Variants in FER1L5 observed in about 807,000 individuals in gnomAD.
FER1L5 encodes the protein fer-1-like protein 5.
In FER1L5, 187 loss-of-function variants were observed where a neutral mutation model predicts 279.9. The ratio of observed to expected loss-of-function variants is 0.67; its 90% CI spans 0.59 to 0.75. The LOEUF is 0.75. Among genes scored for constraint, FER1L5 ranks in the 30% least tolerant of loss-of-function variants. FER1L5 has a pLI of 0.00. For missense variants in FER1L5, 2,091 were observed against 2,594.4 expected, an observed-to-expected ratio of 0.81 and a Z score of 4.21; for synonymous variants, 921 against 989.7, an observed-to-expected ratio of 0.93 and a Z score of 1.30.
intron 6 of FER1L5, among the ~76,000 whole-genome samples, chr2:96,650,721 T>C (rs2075323965): frequency 6.6e-6 from 1 of 152,188 alleles, no homozygotes; most frequent in African/African-American, 2.4e-5. Context: ...GGAACCCTCA[T>C]CCCATGGCTT....
intron 9 of FER1L5, among the ~76,000 whole-genome samples, chr2:96,657,447 A>G (rs897172068): frequency 1.4e-4 from 21 of 152,260 alleles, no homozygotes; most frequent in Non-Finnish European, 2.8e-4. Flanking sequence ...TAAAATGTAC[A>G]ATTTGATATA....
chr2:96,699,472 G>A, intron 42 of FER1L5, 78 bp from the exon 43 acceptor site: 1 of 1,492,172 alleles, frequency 6.7e-7, no homozygotes, highest in Non-Finnish European at 9.1e-7. Context: ...GGGGCCTACG[G>A]GGCCGAGACA....
intron 19 of FER1L5, among the ~76,000 whole-genome samples, chr2:96,674,646 AT>A (rs1189649552): frequency 5.3e-5 from 8 of 152,268 alleles, no homozygotes; most frequent in African/African-American, 1.9e-4. Flanking sequence ...ATTATGAAAT[AT>A]TTAAAAAAAA....
intron 9 of FER1L5, among the ~76,000 whole-genome samples, chr2:96,655,581 T>C (rs2075565474): frequency 6.6e-6 from 1 of 152,176 alleles, no homozygotes; most frequent in Admixed American, 6.5e-5. Context: ...GAGACAGAGA[T>C]TCTAGAAATG....
rs760894128 is a variant in FER1L5, at chr2:96,650,204, C to G, written c.419C>G (p.Thr140Arg). ...GGAGCTGAAGACCACCTGGGCATAA[C>G]GGCAAGAGAGGCAGCCAGTCAGAAA... ...KTGAEDHLGI[T>R]AREAASQKLM... Residue 140 changes from threonine to arginine, a missense_variant, in exon 6 of 53, where the codon ACG becomes AGG. Coordinates refer to ENST00000624922, the MANE Select transcript of FER1L5 (RefSeq NM_001293083.2). 1 of 1,551,726 alleles carries G rather than the reference C, an allele frequency of 6.4e-7. No individual in the cohort carries two copies. The highest frequency in any genetic ancestry group is 8.7e-7 in the Non-Finnish European group (1 of 1,146,994).
At chr2:96,675,437 A>T (rs939941423) in intron 19 of FER1L5, among the ~76,000 whole-genome samples, 10 of 152,022 alleles carry the variant, frequency 6.6e-5, no homozygotes, top group African/African-American at 2.4e-4. Context: ...TAATTAATTA[A>T]TTTTTTTGAA....
intron 4 of FER1L5, 43 bp from the exon 5 acceptor site, chr2:96,649,580 A>T: frequency 6.5e-7 from 1 of 1,547,132 alleles, no homozygotes; most frequent in South Asian, 1.2e-5. Context: ...GTGTCCAAGG[A>T]TGGCAGGGTC....
chr2:96,660,896 G>A (rs889058252), intron 10 of FER1L5, among the ~76,000 whole-genome samples: 1 of 152,198 alleles, frequency 6.6e-6, no homozygotes, highest in African/African-American at 2.4e-5. Context: ...GAAAAACTCA[G>A]GGCATCCCTT....
chr2:96,659,959 C>T (rs781488638), intron 9 of FER1L5, among the ~76,000 whole-genome samples: 1 of 152,094 alleles, frequency 6.6e-6, no homozygotes, highest in African/African-American at 2.4e-5. Context: ...AGAGAAAACC[C>T]GTAGTTTCTT....
At chr2:96,685,611 C>T (rs953286302) in intron 21 of FER1L5, among the ~76,000 whole-genome samples, 182 bp downstream of exon 21, 14 of 152,178 alleles carry the variant, frequency 9.2e-5, no homozygotes, top group South Asian at 2.1e-4. Context: ...GCCCCCTGAC[C>T]GCCCCATCAG....
Position 96,652,031 on chromosome 2 carries a change from C to T in FER1L5, c.633+11C>T, listed in dbSNP as rs530887312. On this transcript the variant is annotated intron_variant, in intron 7 of 52. Coordinates refer to ENST00000624922, the MANE Select transcript of FER1L5 (RefSeq NM_001293083.2). Reference sequence around the variant, plus strand: ...CCTTTCTTTAATGAGGTGGGCTGAACGGGGCACATCAGGCAAGGAGCCAGC... The same window carrying T: ...CCTTTCTTTAATGAGGTGGGCTGAATGGGGCACATCAGGCAAGGAGCCAGC... 11 of 1,551,554 alleles carry T rather than the reference C, an allele frequency of 7.1e-6. 1 individual carries two copies. The highest frequency in any genetic ancestry group is 3.6e-5 in the South Asian group (3 of 84,056).
intron 3 of FER1L5, 81 bp from the exon 4 acceptor site, chr2:96,647,697 C>G: frequency 9.6e-7 from 1 of 1,040,152 alleles, no homozygotes; most frequent in Non-Finnish European, 1.5e-6. Flanking sequence ...GAAACCGTCT[C>G]TAGCTAAAGC....
intron 51 of FER1L5, among the ~76,000 whole-genome samples, chr2:96,703,915 A>G (rs923656429): frequency 6.0e-5 from 9 of 149,098 alleles, no homozygotes; most frequent in Admixed American, 4.8e-4. Context: ...TCCTGGGTTC[A>G]AGCGATTCTC....
chr2:96,644,628 A>G (rs1349370813), intron 1 of FER1L5, among the ~76,000 whole-genome samples: 1 of 152,220 alleles, frequency 6.6e-6, no homozygotes, highest in African/African-American at 2.4e-5. Flanking sequence ...ACCGGGCCCA[A>G]GAGAAAAGAG....
In FER1L5 at chr2:96,704,494, A is replaced by T. The variant is rs1380525319; in HGVS notation, c.5976A>T (p.Lys1992Asn). The change falls in exon 53 of 53, where the codon AAA becomes AAT. Residue 1992 changes from lysine to asparagine, a missense_variant. Transcript: ENST00000624922. ...ACTATTTGGCCATGAGCTGGATCAA[A>T]CCTCAACTTCAGCTGTATCCTCCCA... ...APHYLAMSWIKPQLQLYPPIK... is the reference protein window; with the variant it reads ...APHYLAMSWINPQLQLYPPIK... 1 of 1,613,808 alleles carries T rather than the reference A, an allele frequency of 6.2e-7. No individual in the cohort carries two copies. Among genetic ancestry groups the T allele is most frequent in the South Asian group, 1.1e-5 (1 of 91,074 alleles).
Position 96,689,665 on chromosome 2 carries a change from C to G in FER1L5, c.2547C>G (p.Ile849Met), listed in dbSNP as rs1278663344. Reference sequence around the variant, plus strand: ...CCAGGCTCCTCCTGGACATAGACATCAACAAGAGCCAGGTGCTGGAGGAGG... The same window carrying G: ...CCAGGCTCCTCCTGGACATAGACATGAACAAGAGCCAGGTGCTGGAGGAGG... ...PQRRLLLDID[I>M]NKSQVLEEVY... Residue 849 changes from isoleucine to methionine, a missense_variant, in exon 26 of 53, where the codon ATC becomes ATG. Coordinates refer to ENST00000624922, the MANE Select transcript of FER1L5 (RefSeq NM_001293083.2). This position sits in a 1 kb window ranked among gnomAD's most constrained non-coding sequence, Gnocchi z 4.6. 5 of 1,551,032 alleles carry G rather than the reference C, an allele frequency of 3.2e-6. No homozygotes were observed. Among genetic ancestry groups the G allele is most frequent in the South Asian group, 2.4e-5 (2 of 84,058 alleles).
intron 19 of FER1L5, among the ~76,000 whole-genome samples, chr2:96,680,917 G>A (rs535434411): frequency 6.6e-6 from 1 of 152,238 alleles, no homozygotes; most frequent in East Asian, 1.9e-4. Flanking sequence ...CTTAACTACA[G>A]CCACTCCTCA....
intron 45 of FER1L5, among the ~76,000 whole-genome samples, 177 bp from the exon 46 acceptor site, chr2:96,701,778 G>A (rs951157141): frequency 6.6e-6 from 1 of 152,284 alleles, no homozygotes; most frequent in South Asian, 2.1e-4. Flanking sequence ...TCAGCCAAAA[G>A]AAAGGGGGAA....
chr2:96,675,944 G>T (rs938038710), intron 19 of FER1L5, among the ~76,000 whole-genome samples: 3 of 152,146 alleles, frequency 2.0e-5, no homozygotes, highest in African/African-American at 7.2e-5. Context: ...CAATTTTATA[G>T]TTAGTAGATT....
Sources: allele counts gnomAD v4.1 joint callset (sites outside exome capture counted in the v4.1 genomes callset), GRCh38; gene constraint gnomAD v4.1.1; non-coding constraint Gnocchi (gnomAD v3.1); transcripts MANE v1.5; gene names NCBI Gene and HGNC (gene_info 2026-07-23, HGNC 2026-07-21).